Variants in ZNF827 observed in about 807,000 individuals in gnomAD.
ZNF827 encodes the protein zinc finger protein 827.
Under a neutral mutation model 102.4 loss-of-function variants are expected in ZNF827, and 13 were observed. That is an observed-to-expected ratio of 0.13 (90% CI 0.08 to 0.20). The LOEUF (loss-of-function observed/expected upper bound fraction) is 0.20. ZNF827 is among the 10% of genes least tolerant of loss of function. ZNF827 has a pLI of 1.00. For missense variants in ZNF827, 1,103 were observed against 1,344.4 expected (o/e 0.82, Z 2.81); for synonymous variants, 523 against 536.2 (o/e 0.98, Z 0.34).
intron 1 of ZNF827, among the ~76,000 whole-genome samples, chr4:145,937,357 G>A (rs1344686050): frequency 1.3e-5 from 2 of 151,198 alleles, no homozygotes; most frequent in African/African-American, 2.4e-5. Context: ...CGCCAAGGAG[G>A]GGGTCTGAGA....
At chr4:145,931,271 G>A (rs1288487804) in intron 1 of ZNF827, among the ~76,000 whole-genome samples, 1 of 152,172 alleles carries the variant, frequency 6.6e-6, no homozygotes, top group African/African-American at 2.4e-5. Flanking sequence ...TGTACACTTA[G>A]CCCTAGATGG....
chr4:145,853,642 G>A (rs780116254), intron 5 of ZNF827, among the ~76,000 whole-genome samples: 17 of 152,076 alleles, frequency 1.1e-4, no homozygotes, highest in African/African-American at 1.7e-4. Context: ...ATATTTCAGA[G>A]GTTGAATGGG....
intron 2 of ZNF827, among the ~76,000 whole-genome samples, chr4:145,899,597 T>C (rs753811879): frequency 6.6e-6 from 1 of 152,206 alleles, no homozygotes; most frequent in African/African-American, 2.4e-5. Flanking sequence ...AACTTGAACG[T>C]AGGATGGGCC....
At chr4:145,909,602 A>G (rs1457859795) in intron 1 of ZNF827, among the ~76,000 whole-genome samples, 1 of 152,326 alleles carries the variant, frequency 6.6e-6, no homozygotes, top group East Asian at 1.9e-4. Context: ...GGCGGGTTCT[A>G]CAATGGGCTC....
At chr4:145,799,715 G>A (rs1015701046) in intron 8 of ZNF827, among the ~76,000 whole-genome samples, 2 of 152,144 alleles carry the variant, frequency 1.3e-5, no homozygotes, top group Non-Finnish European at 2.9e-5. Context: ...GTACGGCCAC[G>A]TGATCAAGTT....
chr4:145,851,453 G>A (rs1336508610), intron 5 of ZNF827, among the ~76,000 whole-genome samples: 1 of 152,066 alleles, frequency 6.6e-6, no homozygotes, highest in East Asian at 1.9e-4. Context: ...TGCTTTCCCT[G>A]GAAAGCATGA....
In ZNF827 at chr4:145,902,377, C is replaced by T. The variant is rs1228404844; in HGVS notation, c.882G>A (p.Val294=). ...GAAGACTGCCCGCAGCCCTTGCGGCCACCTCCTTCAGAAGGGCCGCTGAGG... is the reference window on the plus strand; with the variant it reads ...GAAGACTGCCCGCAGCCCTTGCGGCTACCTCCTTCAGAAGGGCCGCTGAGG... ...MTSSAALLKE[V]AARAAGSLLA... Residue 294 remains valine, a synonymous_variant, in exon 2 of 15, where the codon GTG becomes GTA. Transcript: ENST00000508784. This position sits in a 1 kb window ranked among gnomAD's most constrained non-coding sequence, Gnocchi z 4.3. 2.5e-6 allele frequency: 4 copies of T among 1,612,268 alleles called. No homozygotes were observed. Among genetic ancestry groups the T allele is most frequent in the South Asian group, 2.2e-5 (2 of 91,002 alleles).
chr4:145,896,091 G>A (rs1488082494), intron 2 of ZNF827, among the ~76,000 whole-genome samples: 3 of 152,106 alleles, frequency 2.0e-5, no homozygotes, highest in South Asian at 2.1e-4. Context: ...TGGAATAAAC[G>A]AAATAATGAA....
At chr4:145,784,409 C>G (rs554299329) in intron 8 of ZNF827, among the ~76,000 whole-genome samples, 1 of 152,326 alleles carries the variant, frequency 6.6e-6, no homozygotes, top group Admixed American at 6.5e-5. Context: ...TATGGTTCCT[C>G]TTGGTCTTAG....
At chr4:145,823,568 ATTT>A in intron 7 of ZNF827, 43 bp from the exon 8 acceptor site, 1 of 1,396,798 alleles carries the variant, frequency 7.2e-7, no homozygotes, top group Non-Finnish European at 1.0e-6. Context: ...AATTAAAGTT[ATTT>A]AAGACACCCA....
At chr4:145,870,568 A>G (rs1748597776) in intron 4 of ZNF827, 90 bp from the exon 5 acceptor site, 1 of 1,153,868 alleles carries the variant, frequency 8.7e-7, no homozygotes, top group South Asian at 1.4e-5. Flanking sequence ...GGAATGCACA[A>G]TCACACTGTG....
At chr4:145,913,968 G>A (rs760374676) in intron 1 of ZNF827, among the ~76,000 whole-genome samples, 1 of 151,858 alleles carries the variant, frequency 6.6e-6, no homozygotes, top group South Asian at 2.1e-4. Context: ...ATATAACAAT[G>A]CATTCTACAG....
At chr4:145,886,506 G>A (rs1420661374) in intron 3 of ZNF827, among the ~76,000 whole-genome samples, 1 of 152,162 alleles carries the variant, frequency 6.6e-6, no homozygotes, top group East Asian at 1.9e-4. Context: ...AAAATTACTA[G>A]TTGGGGATCA....
chr4:145,808,820 A>T lies in ZNF827; in HGVS notation c.2383+14602T>A, dbSNP rs1425103203. Among the ~76,000 whole-genome samples, 4 of 152,154 alleles carry T rather than the reference A, an allele frequency of 2.6e-5. No homozygotes were observed. In the South Asian group the frequency reaches 8.3e-4, roughly 32 times the overall value. On this transcript the variant is annotated intron_variant, in intron 8 of 14. Coordinates refer to ENST00000508784, the MANE Select transcript of ZNF827 (RefSeq NM_001306215.2). ...TTTTTTAATTTTATTTTTTAGAGGC[A>T]GTGTCTCTCTGACACCAAGGCTGGA...
At chr4:145,929,809 GTGTATA>G (rs1352295077) in intron 1 of ZNF827, among the ~76,000 whole-genome samples, 1 of 152,138 alleles carries the variant, frequency 6.6e-6, no homozygotes, top group African/African-American at 2.4e-5. Flanking sequence ...GCATGATTTT[GTGTATA>G]TGTATAATAT....
chr4:145,866,001 A>C (rs1438210855), intron 5 of ZNF827, among the ~76,000 whole-genome samples: 1 of 152,180 alleles, frequency 6.6e-6, no homozygotes, highest in Non-Finnish European at 1.5e-5. Flanking sequence ...CCTTTCCATC[A>C]TGTGGACTGG....
intron 7 of ZNF827, among the ~76,000 whole-genome samples, chr4:145,826,459 T>C (rs1743688519): frequency 1.3e-5 from 2 of 152,216 alleles, no homozygotes; most frequent in South Asian, 2.1e-4. Flanking sequence ...ACCATTATTA[T>C]AGTAGTCCCC....
rs1385489337 is a variant in ZNF827 at position 145,759,306 on chromosome 4, A to G, written c.*2310T>C. On this transcript the variant is annotated 3_prime_UTR_variant, in exon 15 of 15. Transcript: ENST00000508784. ...TTCCTTTTTTCTTTTTAAATCACCC[A>G]TTACTTTTTAAGATTAGCAAAGAGC... 6.6e-6 allele frequency: 1 copy of G among 152,182 alleles called. No individual in the cohort carries two copies. The highest frequency in any genetic ancestry group is 1.5e-5 in the Non-Finnish European group (1 of 68,042). 9.4% of individuals were successfully genotyped at this position (152,182 alleles called of 1,614,324 possible).
intron 8 of ZNF827, among the ~76,000 whole-genome samples, chr4:145,795,338 G>C (rs1335877524): frequency 6.6e-6 from 1 of 152,094 alleles, no homozygotes; most frequent in Non-Finnish European, 1.5e-5. Flanking sequence ...AGTAGAGATG[G>C]GGTTTCACCA....
Sources: gnomAD v4.1 joint callset for allele counts (sites outside exome capture counted in the v4.1 genomes callset) on GRCh38, gnomAD v4.1.1 for gene constraint, Gnocchi (gnomAD v3.1) non-coding constraint, MANE v1.5 for transcripts, NCBI Gene and HGNC (gene_info 2026-07-23, HGNC 2026-07-21) for gene names.